The following UPF2 variants were observed in gnomAD, a reference collection of about 807,000 sequenced individuals.
UPF2 encodes regulator of nonsense transcripts 2.
UPF2 carries 17 observed loss-of-function variants against 141.4 expected under a neutral mutation model. That is an observed-to-expected ratio of 0.12 (90% CI 0.08 to 0.18). The LOEUF is 0.18. Among genes scored for constraint, UPF2 ranks in the 10% least tolerant of loss-of-function variants. The pLI, the probability that UPF2 is intolerant of heterozygous loss-of-function variation, is 1.00. For missense variants in UPF2, 1,152 were observed against 1,515.9 expected, an observed-to-expected ratio of 0.76 and a Z score of 3.99; for synonymous variants, 540 against 498.0, an observed-to-expected ratio of 1.08 and a Z score of -1.12.
chr10:11,944,851 C>T (rs1832981218), intron 16 of UPF2, among the ~76,000 whole-genome samples: 1 of 152,176 alleles, frequency 6.6e-6, no homozygotes, highest in Non-Finnish European at 1.5e-5. Context: ...GACCACAAAA[C>T]CTAAGCAGGC....
At chr10:12,031,393 A>C (rs180809446) in intron 2 of UPF2, among the ~76,000 whole-genome samples, 1 of 152,278 alleles carries the variant, frequency 6.6e-6, no homozygotes, top group East Asian at 1.9e-4. Context: ...ATAACCAAAA[A>C]CAAATATACC....
intron 16 of UPF2, among the ~76,000 whole-genome samples, chr10:11,945,362 A>C (rs1832987894): frequency 6.6e-6 from 1 of 152,226 alleles, no homozygotes; most frequent in African/African-American, 2.4e-5. Context: ...TAACTGTAGA[A>C]TATCCATTGC....
At chr10:12,037,342 A>G (rs991806067) in intron 1 of UPF2, among the ~76,000 whole-genome samples, 1 of 152,020 alleles carries the variant, frequency 6.6e-6, no homozygotes, top group African/African-American at 2.4e-5. Flanking sequence ...TGGGCCTCCC[A>G]AAGTGCTGGG....
At chr10:12,027,593 C>T (rs1834443317) in intron 3 of UPF2, among the ~76,000 whole-genome samples, 1 of 152,270 alleles carries the variant, frequency 6.6e-6, no homozygotes, top group South Asian at 2.1e-4. Context: ...TTAAACCAGT[C>T]CTCGCAAATC....
At chr10:11,943,597 T>C (rs147644861) in intron 16 of UPF2, among the ~76,000 whole-genome samples, 2 of 152,330 alleles carry the variant, frequency 1.3e-5, no homozygotes, top group East Asian at 3.9e-4. Flanking sequence ...CATTACCTTT[T>C]ACAAAGCACT....
rs11257438 is a variant in UPF2, at chr10:11,940,878, G to T, written c.3378+1787C>A. 0.2 allele frequency among the ~76,000 whole-genome samples: 30,981 copies of T among 151,914 alleles called. 3,504 individuals carry two copies. The highest frequency in any genetic ancestry group is 0.45 in the East Asian group (2,336 of 5,142). On this transcript the variant is annotated intron_variant, in intron 18 of 21. Coordinates refer to ENST00000357604, the MANE Select transcript of UPF2 (RefSeq NM_015542.4). The surrounding 1 kb of genome is among the most constrained non-coding windows in gnomAD (Gnocchi z 4.2). Reference sequence around the variant, plus strand: ...CCGCCTTTTAGTTTTTTAAATACAGGTTCTTTTCTCCCTCAAGACATTTGA... The same window carrying T: ...CCGCCTTTTAGTTTTTTAAATACAGTTTCTTTTCTCCCTCAAGACATTTGA...
intron 4 of UPF2, among the ~76,000 whole-genome samples, chr10:12,010,512 C>T (rs775732657): frequency 6.6e-6 from 1 of 151,900 alleles, no homozygotes; most frequent in Non-Finnish European, 1.5e-5. Flanking sequence ...AACTTGAAGA[C>T]ATAACAACAG....
At chr10:12,028,358 T>C (rs1834456780) in intron 3 of UPF2, among the ~76,000 whole-genome samples, 1 of 152,036 alleles carries the variant, frequency 6.6e-6, no homozygotes, top group African/African-American at 2.4e-5. Flanking sequence ...GAACTTAAAA[T>C]ACAAAACAAT....
intron 5 of UPF2, 44 bp downstream of exon 5, chr10:12,004,486 A>T: frequency 6.8e-7 from 1 of 1,474,264 alleles, no homozygotes; most frequent in Non-Finnish European, 9.1e-7. Context: ...TTTGAAGCTA[A>T]TTCTTATAGC....
intron 6 of UPF2, among the ~76,000 whole-genome samples, chr10:12,000,807 A>C (rs1833939185): frequency 6.6e-6 from 1 of 152,138 alleles, no homozygotes; most frequent in Non-Finnish European, 1.5e-5. Flanking sequence ...CTGTCTCAAA[A>C]AAGTAAATAA....
chr10:11,969,433 T>C (rs1251974787), intron 9 of UPF2, among the ~76,000 whole-genome samples: 2 of 152,326 alleles, frequency 1.3e-5, no homozygotes, highest in Non-Finnish European at 2.9e-5. Flanking sequence ...CCTCCAAAAG[T>C]GCTGGGATTA....
chr10:12,000,896 T>C (rs1833940552), intron 6 of UPF2, among the ~76,000 whole-genome samples: 2 of 152,210 alleles, frequency 1.3e-5, no homozygotes, highest in African/African-American at 4.8e-5. Context: ...TATTACTGAA[T>C]ACAAACACAA....
chr10:12,004,465 A>T, intron 5 of UPF2, 65 bp downstream of exon 5: 1 of 1,293,732 alleles, frequency 7.7e-7, no homozygotes, highest in Non-Finnish European at 1.0e-6. Context: ...TTTTTTTTTT[A>T]CAAATACTAT....
At chr10:11,927,666 T>C (rs1217896827) in intron 21 of UPF2, among the ~76,000 whole-genome samples, 2 of 152,210 alleles carry the variant, frequency 1.3e-5, no homozygotes, top group African/African-American at 2.4e-5. Flanking sequence ...TAATATCTTA[T>C]TGTGCCTAAT....
chr10:11,948,287 T>G lies in UPF2; in HGVS notation c.3174+82A>C. ...AAAAAAAAACCAGGAGGAGGTCTTA[T>G]GTATTAAAAAAATTTTGGCTCATAT... On this transcript the variant is annotated intron_variant, in intron 16 of 21. Transcript: ENST00000357604. The G allele has an allele frequency of 2.9e-6, 4 of 1,365,248 alleles. No individual in the cohort carries two copies. In the South Asian group the frequency reaches 4.5e-5, roughly 15 times the overall value. The allele number at this position is 1,365,248 out of a possible 1,614,324, so 84.6% of individuals were successfully genotyped here. A position where few individuals can be genotyped will look rare whatever the true frequency, so the allele number is the denominator to read the frequency against.
intron 1 of UPF2, chr10:12,035,654 GT>G: frequency 2.1e-6 from 1 of 478,492 alleles, no homozygotes. Context: ...CTAAGTACTT[GT>G]TTTTTACTTT....
chr10:11,998,758 G>A lies in UPF2; in HGVS notation c.1759-1001C>T, dbSNP rs1833904847. On this transcript the variant is annotated intron_variant, in intron 7 of 21. Transcript: ENST00000357604. The surrounding 1 kb of genome is among the most constrained non-coding windows in gnomAD (Gnocchi z 4.5). The stretch of plus-strand genomic sequence containing the variant: ...AGTCCCAGCTACTCGGGAGGCTGAG[G>A]CAGGAGAATGGCGTGAACCCGGGAG... Among the ~76,000 whole-genome samples, 1 of 152,134 alleles carries A rather than the reference G, an allele frequency of 6.6e-6. No individual in the cohort carries two copies. The highest frequency in any genetic ancestry group is 1.5e-5 in the Non-Finnish European group (1 of 68,032).
rs1240883830 is a variant in UPF2, at chr10:11,972,562, G to A, written c.1954-5108C>T. ...TCCACTCCACGACAGGCCCCGGTGCGTGATGTGCCCCTCCCTGTGTCCAAG... is the reference window on the plus strand; with the variant it reads ...TCCACTCCACGACAGGCCCCGGTGCATGATGTGCCCCTCCCTGTGTCCAAG... On this transcript the variant is annotated intron_variant, in intron 9 of 21. Transcript: ENST00000357604. Among the ~76,000 whole-genome samples the A allele has an allele frequency of 5.3e-5, 8 of 152,222 alleles. No homozygotes were observed. The South Asian group carries it at 8.3e-4, about 16-fold the overall frequency.
intron 3 of UPF2, among the ~76,000 whole-genome samples, chr10:12,022,697 T>C (rs758149702): frequency 2.6e-5 from 4 of 152,144 alleles, no homozygotes; most frequent in Non-Finnish European, 4.4e-5. Flanking sequence ...TAATTGGTAT[T>C]AACTACCAAT....
Sources: gnomAD v4.1 joint callset for allele counts (sites outside exome capture counted in the v4.1 genomes callset) on GRCh38, gnomAD v4.1.1 for gene constraint, Gnocchi (gnomAD v3.1) non-coding constraint, MANE v1.5 for transcripts, NCBI Gene and HGNC (gene_info 2026-07-23, HGNC 2026-07-21) for gene names.